Variants in REDIC1 observed in about 807,000 individuals in gnomAD.
REDIC1 encodes regulator of DNA class I crossover intermediates 1.
the REDIC1 span, among the ~76,000 whole-genome samples, chr12:39,649,969 A>G: frequency 6.6e-6 from 1 of 151,490 alleles, no homozygotes; most frequent in Non-Finnish European, 1.5e-5. Flanking sequence ...TTGTTTTTTT[A>G]TTTTTTATTT....
the REDIC1 span, among the ~76,000 whole-genome samples, chr12:39,712,093 C>CATATATACCTGT: frequency 1.1e-4 from 10 of 95,136 alleles, no homozygotes; most frequent in Non-Finnish European, 2.1e-4. Flanking sequence ...TATATACATA[C>CATATATACCTGT]ATATATACCT....
chr12:39,902,320 C>T, the REDIC1 span, among the ~76,000 whole-genome samples: 2 of 150,758 alleles, frequency 1.3e-5, no homozygotes, highest in African/African-American at 2.4e-5. Flanking sequence ...TGCAAATGTA[C>T]CCTAAAAATT....
At chr12:39,653,580 C>CTTCTTCTTTCTTCTTCT in the REDIC1 span, among the ~76,000 whole-genome samples, 1 of 78,312 alleles carries the variant, frequency 1.3e-5, no homozygotes. Flanking sequence ...CTTTTTCTTC[C>CTTCTTCTTTCTTCTTCT]TCTTCTTCTT....
the REDIC1 span, chr12:39,871,946 G>T: frequency 5.9e-5 from 95 of 1,605,518 alleles, no homozygotes; most frequent in Middle Eastern, 3.3e-4. Context: ...TCTGCAGAAT[G>T]GTTGCACTGT....
chr12:39,808,860 G>A, the REDIC1 span, among the ~76,000 whole-genome samples: 3 of 152,002 alleles, frequency 2.0e-5, no homozygotes, highest in Admixed American at 6.6e-5. Context: ...CCGGTCTGTG[G>A]CTTGGGCTTT....
At chr12:39,797,550 T>G in the REDIC1 span, among the ~76,000 whole-genome samples, 1 of 152,186 alleles carries the variant, frequency 6.6e-6, no homozygotes, top group Non-Finnish European at 1.5e-5. Context: ...AATATTTTAG[T>G]CAATTTCACA....
chr12:39,706,936 T>G, the REDIC1 span, among the ~76,000 whole-genome samples: 80 of 152,114 alleles, frequency 5.3e-4, 1 homozygote, highest in African/African-American at 1.8e-3. Context: ...CCCCAGGACA[T>G]TCCTTTGGGT....
the REDIC1 span, chr12:39,907,648 A>G: frequency 6.6e-6 from 1 of 152,116 alleles, no homozygotes; most frequent in Non-Finnish European, 1.5e-5. Context: ...CAATTCACCT[A>G]CCCATTACTT....
the REDIC1 span, among the ~76,000 whole-genome samples, chr12:39,833,714 AATAG>A: frequency 1.3e-5 from 2 of 152,134 alleles, no homozygotes; most frequent in African/African-American, 4.8e-5. Context: ...TGTCCCCAAT[AATAG>A]ATAGATTTCC....
At chr12:39,895,811 C>T in the REDIC1 span, among the ~76,000 whole-genome samples, 242 of 5,948 alleles carry the variant, frequency 0.041, 39 homozygotes, top group East Asian at 0.34. Flanking sequence ...TGCGTGTATA[C>T]GTACACACAT....
At chr12:39,692,074 A>G in the REDIC1 span, 2 of 1,579,948 alleles carry the variant, frequency 1.3e-6, no homozygotes, top group South Asian at 1.2e-5. Flanking sequence ...GGAGGAATAT[A>G]TTCTTTAAAA....
the REDIC1 span, among the ~76,000 whole-genome samples, chr12:39,801,649 T>A: frequency 6.6e-6 from 1 of 152,370 alleles, no homozygotes; most frequent in East Asian, 1.9e-4. Flanking sequence ...GTCAGCAGAC[T>A]TATTTTTCTT....
At chr12:39,867,163 A>T in the REDIC1 span, among the ~76,000 whole-genome samples, 10 of 152,246 alleles carry the variant, frequency 6.6e-5, no homozygotes, top group Non-Finnish European at 1.2e-4. Context: ...CCATCAAAAA[A>T]TCTGAGTCCC....
the REDIC1 span, among the ~76,000 whole-genome samples, chr12:39,779,600 G>T: frequency 6.6e-6 from 1 of 152,096 alleles, no homozygotes; most frequent in Non-Finnish European, 1.5e-5. Flanking sequence ...TTCCCATTAG[G>T]CTGATCTTTT....
the REDIC1 span, among the ~76,000 whole-genome samples, chr12:39,670,792 T>G: frequency 1.3e-5 from 2 of 151,924 alleles, no homozygotes; most frequent in African/African-American, 4.8e-5. Context: ...GAAAGACCTA[T>G]CTTTAAGTTC....
At chr12:39,710,493 C>T in the REDIC1 span, among the ~76,000 whole-genome samples, 1 of 151,764 alleles carries the variant, frequency 6.6e-6, no homozygotes, top group Admixed American at 6.6e-5. Flanking sequence ...TCTCACTTCT[C>T]TTTAATTCAT....
At chr12:39,875,321 C>T in the REDIC1 span, among the ~76,000 whole-genome samples, 1 of 152,180 alleles carries the variant, frequency 6.6e-6, no homozygotes, top group South Asian at 2.1e-4. Flanking sequence ...TCAAAGCCAA[C>T]AATGATTTGT....
chr12:39,704,961 T>C, the REDIC1 span, among the ~76,000 whole-genome samples: 1 of 151,696 alleles, frequency 6.6e-6, no homozygotes, highest in Non-Finnish European at 1.5e-5. Context: ...TTGGGAGATA[T>C]ACCTAATGCT....
At chr12:39,859,649 A>C in the REDIC1 span, among the ~76,000 whole-genome samples, 1 of 152,012 alleles carries the variant, frequency 6.6e-6, no homozygotes, top group Non-Finnish European at 1.5e-5. Flanking sequence ...CAGCTTCCCG[A>C]GTAGCTGGGA....
Sources: allele counts gnomAD v4.1 joint callset (sites outside exome capture counted in the v4.1 genomes callset), GRCh38; gene constraint gnomAD v4.1.1; transcripts MANE v1.5; gene names NCBI Gene and HGNC (gene_info 2026-07-23, HGNC 2026-07-21).